Variants in PLXDC1 observed in about 807,000 individuals in gnomAD.
PLXDC1 encodes the protein plexin domain-containing protein 1.
Under a neutral mutation model 61.3 loss-of-function variants are expected in PLXDC1, and 39 were observed. That is an observed-to-expected ratio of 0.64 (90% confidence interval 0.49 to 0.83). The LOEUF is 0.83. Ranked by LOEUF, PLXDC1 falls within the 40% of genes least tolerant of loss-of-function variation. The probability of loss-of-function intolerance (pLI) is 0.00; values close to 1 mark genes in which losing one functional copy is unlikely to be tolerated. For missense variants in PLXDC1, 596 were observed against 666.5 expected (o/e 0.89, Z 1.17); for synonymous variants, 212 against 254.5 (o/e 0.83, Z 1.59).
chr17:39,072,242 T>G (rs1909147385), intron 12 of PLXDC1: 1 of 596,800 alleles, frequency 1.7e-6, no homozygotes, highest in African/African-American at 1.9e-5. Flanking sequence ...ATGAGAAATG[T>G]CTAGGGTAGA....
rs1567749891 is a variant in PLXDC1, at chr17:39,064,536, C to T, written c.*3304G>A. 6.6e-6 allele frequency: 1 copy of T among 152,122 alleles called. No individual in the cohort carries two copies. The allele number at this position is 152,122 out of a possible 1,614,324, so 9.4% of individuals were successfully genotyped here. On this transcript the variant is annotated 3_prime_UTR_variant, in exon 14 of 14. Transcript: ENST00000315392. ...AGATCACAGCCTCTTCTTAGTCATA[C>T]CCATTTATACATGTCATGAGGGTCA...
intron 7 of PLXDC1, among the ~76,000 whole-genome samples, chr17:39,103,341 C>A (rs1448975506): frequency 6.6e-6 from 1 of 151,978 alleles, no homozygotes; most frequent in Non-Finnish European, 1.5e-5. Context: ...TTTGAGACCA[C>A]CCCAGGCAAC....
chr17:39,094,811 A>G (rs1391470417), intron 7 of PLXDC1, among the ~76,000 whole-genome samples: 3 of 152,162 alleles, frequency 2.0e-5, no homozygotes, highest in Non-Finnish European at 2.9e-5. Context: ...AATTACTGCC[A>G]TTCTCAAAAG....
upstream of PLXDC1, chr17:39,152,460 T>A: frequency 9.0e-7 from 1 of 1,113,668 alleles, no homozygotes; most frequent in Non-Finnish European, 1.1e-6. Flanking sequence ...CAGGACAGAA[T>A]AAAAATACCC....
At chr17:39,068,608 C>T (rs1387505810) in intron 13 of PLXDC1, among the ~76,000 whole-genome samples, 7 of 152,194 alleles carry the variant, frequency 4.6e-5, no homozygotes, top group African/African-American at 1.7e-4. Flanking sequence ...ACCCAGGAGG[C>T]GGAGGCTGCA....
chr17:39,143,428 G>T (rs1043534195), intron 1 of PLXDC1, among the ~76,000 whole-genome samples: 7 of 152,214 alleles, frequency 4.6e-5, no homozygotes, highest in African/African-American at 1.7e-4. Context: ...GTGCGACTAT[G>T]TGCCTATCTC....
rs558426932 is a variant in PLXDC1 at position 39,072,763 on chromosome 17, C to T, written c.1187-278G>A. On this transcript the variant is annotated intron_variant, in intron 11 of 13. Coordinates refer to ENST00000315392, the MANE Select transcript of PLXDC1 (RefSeq NM_020405.5). ...AGGCCATGCACGTTCTTCTGTGGGG[C>T]GACAGAGAGATGTGTAAGGGTTTGA... is the stretch of plus-strand genomic sequence containing the variant. 1.2e-4 allele frequency among the ~76,000 whole-genome samples: 18 copies of T among 152,142 alleles called. No homozygotes were observed. The East Asian group carries it at 1.7e-3, about 15-fold the overall frequency.
Position 39,083,504 on chromosome 17 carries a change from G to T in PLXDC1, c.944C>A (p.Ser315Tyr). 1 of 1,613,866 alleles carries T rather than the reference G, an allele frequency of 6.2e-7. No individual in the cohort carries two copies. The highest frequency in any genetic ancestry group is 8.5e-7 in the Non-Finnish European group (1 of 1,179,890). ...GCTGCAGTTGAAGGTCAGGTCTGAG[G>T]ACATGCAGGCGTCACAGCTCCTATG... ...LQHRSCDACM[S>Y]SDLTFNCSWC... Residue 315 changes from serine to tyrosine, a missense_variant, in exon 9 of 14, where the codon TCC (serine) becomes TAC (tyrosine). Coordinates refer to ENST00000315392, the MANE Select transcript of PLXDC1 (RefSeq NM_020405.5).
chr17:39,116,167 A>G (rs943291268), intron 2 of PLXDC1, among the ~76,000 whole-genome samples: 3 of 152,188 alleles, frequency 2.0e-5, no homozygotes, highest in African/African-American at 7.2e-5. Context: ...AAACCAGGTC[A>G]GTTCCACTCA....
At chr17:39,128,088 T>TATGTGTGTATATATATATATA (rs1213213801) in intron 2 of PLXDC1, among the ~76,000 whole-genome samples, 2 of 104,682 alleles carry the variant, frequency 1.9e-5, no homozygotes, top group African/African-American at 7.9e-5. Flanking sequence ...TCTCTCTCTC[T>TATGTGTGTATATATATATATA]CTCTATGTGT....
chr17:39,141,178 C>T (rs1253818806), intron 1 of PLXDC1, among the ~76,000 whole-genome samples: 4 of 152,140 alleles, frequency 2.6e-5, no homozygotes, highest in Admixed American at 6.5e-5. Context: ...TATAGGCATG[C>T]GCCACCATGC....
chr17:39,151,661 T>G (rs2045374087), upstream of PLXDC1: 3 of 104,448 alleles, frequency 2.9e-5, no homozygotes, highest in African/African-American at 1.2e-4. The surrounding 1 kb of genome is among the most constrained non-coding windows in gnomAD (Gnocchi z 5.2). Flanking sequence ...GGGGGGCCGC[T>G]GGGTCGGTGG....
rs1240065092 is a variant in PLXDC1 at position 39,122,115 on chromosome 17, G to C, written c.256-12724C>G. On this transcript the variant is annotated intron_variant, in intron 2 of 13. Coordinates refer to ENST00000315392, the MANE Select transcript of PLXDC1 (RefSeq NM_020405.5). ...CTGTCAAAAAAAAAAAAAAAAAGGG[G>C]GGGGGGACTGGGTGCAGTGACTCAC... Among the ~76,000 whole-genome samples the C allele has an allele frequency of 6.9e-5, 10 of 144,068 alleles. No individual in the cohort carries two copies. In the East Asian group the frequency reaches 1.3e-3, roughly 19 times the overall value. 94.5% of individuals were successfully genotyped at this position (144,068 alleles called of 152,430 possible).
upstream of PLXDC1, chr17:39,152,493 C>A (rs1427797117): frequency 2.3e-5 from 28 of 1,216,940 alleles, no homozygotes; most frequent in Non-Finnish European, 2.6e-5. Flanking sequence ...ATTTAATAGA[C>A]GGCAAGGAAT....
intron 1 of PLXDC1, among the ~76,000 whole-genome samples, chr17:39,142,344 G>A (rs900737035): frequency 1.3e-5 from 2 of 152,176 alleles, no homozygotes; most frequent in Non-Finnish European, 2.9e-5. Context: ...GAATGCAAAG[G>A]CTCCTCTTGT....
At chr17:39,103,515 C>T (rs1395592873) in intron 7 of PLXDC1, among the ~76,000 whole-genome samples, 1 of 152,054 alleles carries the variant, frequency 6.6e-6, no homozygotes, top group Non-Finnish European at 1.5e-5. Context: ...TGCGCTCCAG[C>T]CTGAGACCCT....
intron 1 of PLXDC1, among the ~76,000 whole-genome samples, chr17:39,141,423 T>A (rs1597661451): frequency 6.6e-6 from 1 of 152,266 alleles, no homozygotes; most frequent in East Asian, 1.9e-4. Flanking sequence ...TCACTTAGCA[T>A]AATAAATTCA....
intron 7 of PLXDC1, among the ~76,000 whole-genome samples, chr17:39,090,285 A>G (rs4077060): frequency 0.27 from 41,463 of 151,872 alleles, 6,455 homozygotes; most frequent in East Asian, 0.46. Flanking sequence ...AAAGAAGACT[A>G]CTCTGGCATT....
intron 2 of PLXDC1, among the ~76,000 whole-genome samples, chr17:39,125,796 C>T (rs1344481765): frequency 6.6e-6 from 1 of 152,164 alleles, no homozygotes; most frequent in African/African-American, 2.4e-5. Context: ...CAGGAGAAAA[C>T]TCACAATTTT....
Sources: gnomAD v4.1 joint callset for allele counts (sites outside exome capture counted in the v4.1 genomes callset) on GRCh38, gnomAD v4.1.1 for gene constraint, Gnocchi (gnomAD v3.1) non-coding constraint, MANE v1.5 for transcripts, NCBI Gene and HGNC (gene_info 2026-07-23, HGNC 2026-07-21) for gene names.